The following SLK variants were observed in gnomAD, a reference collection of about 807,000 sequenced individuals.
SLK encodes STE20-like serine/threonine-protein kinase.
In SLK, 67 loss-of-function variants were observed where a neutral mutation model predicts 147.7. The observed-to-expected ratio is 0.45, with a 90% CI of 0.37 to 0.56. The LOEUF is 0.56. Among genes scored for constraint, SLK ranks in the 20% least tolerant of loss-of-function variants. The pLI is 0.00. For synonymous variants in SLK, 441 were observed against 475.0 expected, an observed-to-expected ratio of 0.93 and a Z score of 0.93; for missense variants, 1,136 against 1,438.8, an observed-to-expected ratio of 0.79 and a Z score of 3.41.
At chr10:103,983,375 C>T (rs546949984) in intron 1 of SLK, among the ~76,000 whole-genome samples, 126 of 152,280 alleles carry the variant, frequency 8.3e-4, no homozygotes, top group Non-Finnish European at 1.6e-3. Context: ...ATTTATTACC[C>T]AAACGTTTAC....
At position 103,967,715 on chromosome 10, in the gene SLK, A is replaced by G. The variant is rs1164973104; in HGVS notation, c.-31A>G. 2 of 1,608,762 alleles carry G rather than the reference A, an allele frequency of 1.2e-6. No homozygotes were observed. Among genetic ancestry groups the G allele is most frequent in the Non-Finnish European group, 1.7e-6 (2 of 1,176,298 alleles). On this transcript the variant is annotated 5_prime_UTR_variant, in exon 1 of 19. Transcript: ENST00000369755. Reference sequence around the variant, plus strand: ...TTGCCTTTTATTGTTTTTAGTCCTTAAGTGCAAGGAACTCTGTGTTGGGAG... The same window carrying G: ...TTGCCTTTTATTGTTTTTAGTCCTTGAGTGCAAGGAACTCTGTGTTGGGAG...
intron 1 of SLK, among the ~76,000 whole-genome samples, chr10:103,982,430 C>T (rs1843958595): frequency 6.6e-6 from 1 of 152,066 alleles, no homozygotes; most frequent in Admixed American, 6.6e-5. Flanking sequence ...TTTGACTGAC[C>T]AGTGACTAAA....
chr10:104,003,853 T>C (rs940871373), intron 9 of SLK, among the ~76,000 whole-genome samples: 1 of 152,140 alleles, frequency 6.6e-6, no homozygotes. Flanking sequence ...GAATTAGAAA[T>C]TGAAAGAATG....
At chr10:103,996,667 G>C (rs964228239) in intron 4 of SLK, among the ~76,000 whole-genome samples, 1 of 152,008 alleles carries the variant, frequency 6.6e-6, no homozygotes, top group Non-Finnish European at 1.5e-5. Context: ...CAAAGTGCTG[G>C]GATTGGTGTG....
At chr10:104,008,138 G>A in intron 11 of SLK, 39 bp from the exon 12 acceptor site, 2 of 1,512,654 alleles carry the variant, frequency 1.3e-6, no homozygotes, top group Non-Finnish European at 9.1e-7. Context: ...TAATATGGGT[G>A]ATGGAAAAGT....
In SLK at chr10:103,993,108, T is replaced by C. The variant is rs1266562086; in HGVS notation, c.489T>C (p.Phe163=). ...HRDLKAGNIL[F]TLDGDIKLAD... is the part of the protein sequence containing the mutation. ...ATCTGAAGGCTGGCAACATTCTCTT[T>C]ACCTTAGATGGAGATATCAAATTGG... The change falls in exon 4 of 19, where the codon TTT becomes TTC. Residue 163 remains phenylalanine, a synonymous_variant. Coordinates refer to ENST00000369755, the MANE Select transcript of SLK (RefSeq NM_014720.4). The C allele has an allele frequency of 6.2e-7, 1 of 1,609,744 alleles. No individual in the cohort carries two copies. The highest frequency in any genetic ancestry group is 1.7e-5 in the Admixed American group (1 of 59,640).
At chr10:104,018,641 G>T in intron 14 of SLK, 143 bp from the exon 15 acceptor site, 1 of 799,872 alleles carries the variant, frequency 1.3e-6, no homozygotes, top group Non-Finnish European at 2.0e-6. Context: ...ATTGGTTACA[G>T]TTGCACTTGG....
chr10:104,018,732 T>G, intron 14 of SLK, 52 bp from the exon 15 acceptor site: 2 of 1,568,588 alleles, frequency 1.3e-6, no homozygotes, highest in Non-Finnish European at 8.6e-7. Flanking sequence ...AAGAGCAAAG[T>G]ACATTAGTAA....
Position 104,026,569 on chromosome 10 carries a change from CA to C in SLK, c.*851del, listed in dbSNP as rs2134545981. ...AAATGTAAAACTCATGAAATTTAAG[CA>C]ATATAGGTTTAGCTATCTGTGTTTA... On this transcript the variant is annotated 3_prime_UTR_variant, in exon 19 of 19. Coordinates refer to ENST00000369755, the MANE Select transcript of SLK (RefSeq NM_014720.4). 1 of 152,220 alleles carries C rather than the reference CA, an allele frequency of 6.6e-6. No homozygotes were observed. The highest frequency in any genetic ancestry group is 2.1e-4 in the South Asian group (1 of 4,826). 9.4% of individuals were successfully genotyped at this position (152,220 alleles called of 1,614,324 possible). A position where few individuals can be genotyped will look rare whatever the true frequency, so the allele number is the denominator to read the frequency against.
At chr10:103,969,328 G>C (rs371815712) in intron 1 of SLK, among the ~76,000 whole-genome samples, 77 of 152,256 alleles carry the variant, frequency 5.1e-4, no homozygotes, top group Middle Eastern at 3.4e-3. Context: ...AATGCATCTT[G>C]TCAAAACCCC....
At chr10:104,011,025 CCCA>C in intron 13 of SLK, 117 bp downstream of exon 13, 2 of 519,264 alleles carry the variant, frequency 3.9e-6, no homozygotes, top group Non-Finnish European at 6.4e-6. Context: ...TTGACTTCTC[CCCA>C]TTCAAAAACT....
At chr10:103,981,364 C>T (rs913757952) in intron 1 of SLK, among the ~76,000 whole-genome samples, 2 of 151,918 alleles carry the variant, frequency 1.3e-5, no homozygotes, top group East Asian at 3.9e-4. Context: ...AGTCCAGTTC[C>T]GTGTTTTCTT....
In SLK at chr10:104,002,460, C is replaced by A; in HGVS notation, c.1282C>A (p.Pro428Thr). The change falls in exon 9 of 19, where the codon CCC (proline) becomes ACC (threonine). Residue 428 changes from proline to threonine, a missense_variant. Pro to Thr is a conservative substitution (Grantham distance 38). This residue lies in a region of SLK where 516 missense variants were observed against 531.3 expected (regional missense o/e 0.97). Coordinates refer to ENST00000369755, the MANE Select transcript of SLK (RefSeq NM_014720.4). Reference sequence around the variant, plus strand: ...CAAGGAGAATGAAAGAGAGAAGAGGCCCAAGCTTGAAAATCTGCCTGACAC... The same window carrying A: ...CAAGGAGAATGAAAGAGAGAAGAGGACCAAGCTTGAAAATCTGCCTGACAC... ...VIKENEREKR[P>T]KLENLPDTED... 6.2e-7 allele frequency: 1 copy of A among 1,613,800 alleles called. No homozygotes were observed. Among genetic ancestry groups the A allele is most frequent in the Non-Finnish European group, 8.5e-7 (1 of 1,179,970 alleles).
intron 13 of SLK, among the ~76,000 whole-genome samples, chr10:104,017,288 T>G (rs1224512450): frequency 6.6e-6 from 1 of 152,218 alleles, no homozygotes; most frequent in Admixed American, 6.5e-5. Flanking sequence ...CAGTTTGCAT[T>G]TCTCTAGCAA....
chr10:103,991,572 T>C (rs1844094147), intron 2 of SLK, among the ~76,000 whole-genome samples: 1 of 152,072 alleles, frequency 6.6e-6, no homozygotes, highest in Non-Finnish European at 1.5e-5. Flanking sequence ...ATCCCAGTGC[T>C]GCCACTTACG....
chr10:103,972,373 T>G (rs1843804063), intron 1 of SLK, among the ~76,000 whole-genome samples: 1 of 152,154 alleles, frequency 6.6e-6, no homozygotes, highest in Non-Finnish European at 1.5e-5. Context: ...CACCAGCAGT[T>G]GAAGAATTTC....
At chr10:103,990,400 G>T (rs1315927510) in intron 1 of SLK, among the ~76,000 whole-genome samples, 1 of 151,990 alleles carries the variant, frequency 6.6e-6, no homozygotes, top group Non-Finnish European at 1.5e-5. Flanking sequence ...CAGTGTTGAT[G>T]GGGGGGTGGT....
intron 1 of SLK, among the ~76,000 whole-genome samples, chr10:103,975,675 A>G (rs1351198228): frequency 6.6e-6 from 1 of 152,130 alleles, no homozygotes; most frequent in Non-Finnish European, 1.5e-5. Flanking sequence ...ATGTTGTTGC[A>G]TGTAGTAGTA....
intron 1 of SLK, among the ~76,000 whole-genome samples, chr10:103,974,220 GGT>G (rs1322775218): frequency 6.6e-6 from 1 of 152,102 alleles, no homozygotes; most frequent in Non-Finnish European, 1.5e-5. Context: ...CTCTTGCCAT[GGT>G]CTTAAGATTC....
Sources: allele counts gnomAD v4.1 joint callset (sites outside exome capture counted in the v4.1 genomes callset), GRCh38; gene constraint gnomAD v4.1.1; regional missense constraint gnomAD v4.1.1; transcripts MANE v1.5; gene names NCBI Gene and HGNC (gene_info 2026-07-23, HGNC 2026-07-21).